Variants in C19orf38 observed in about 807,000 individuals in gnomAD.
The protein encoded by C19orf38 is protein HIDE1.
A neutral mutation model predicts 26.6 loss-of-function variants in C19orf38; 14 were observed. The ratio of observed to expected loss-of-function variants is 0.53; its 90% CI spans 0.35 to 0.82. C19orf38 has a LOEUF of 0.82. C19orf38 is among the 40% of genes least tolerant of loss of function. The pLI, the probability that C19orf38 is intolerant of heterozygous loss-of-function variation, is 0.01. For synonymous variants in C19orf38, 132 were observed against 128.5 expected, an observed-to-expected ratio of 1.03 and a Z score of -0.18; for missense variants, 261 against 299.5, an observed-to-expected ratio of 0.87 and a Z score of 0.95.
rs950859747 is a variant in C19orf38, at chr19:10,863,199, G to C, written c.535G>C (p.Val179Leu). 16 of 1,551,204 alleles carry C rather than the reference G, an allele frequency of 1.0e-5. No individual in the cohort carries two copies. The highest frequency in any genetic ancestry group is 1.3e-5 in the Non-Finnish European group (15 of 1,146,774). Reference protein sequence around the residue: ...DMSFDNSLFTVSAKTMPEEDP... With the variant: ...DMSFDNSLFTLSAKTMPEEDP... ...GTCCTTCGATAACTCCCTGTTTACC[G>C]TCTCCGCGGTGAGTGGTTCTTTTTC... is the stretch of plus-strand genomic sequence containing the variant. The change falls in exon 6 of 7, where the codon GTC becomes CTC. Residue 179 changes from valine (V) to leucine (L), a missense_variant. Val to Leu is a conservative substitution (Grantham distance 32). Coordinates refer to ENST00000397820, the MANE Select transcript of C19orf38 (RefSeq NM_001136482.3).
At position 10,856,350 on chromosome 19, in the gene C19orf38, C is replaced by A; in HGVS notation, c.426C>A (p.Val142=). The change falls in exon 3 of 7, where the codon GTC becomes GTA. Residue 142 remains valine, a synonymous_variant. Coordinates refer to ENST00000397820, the MANE Select transcript of C19orf38 (RefSeq NM_001136482.3). The stretch of plus-strand genomic sequence containing the variant: ...GGCTGGTGGCTGTTGCCCTGGTGGT[C>A]AGAAAAGGTAACAGCACGCAAAGCC... ...LAGLVAVALV[V]RKVKLRNLQK... The A allele has an allele frequency of 1.3e-6, 2 of 1,550,970 alleles. No homozygotes were observed. The highest frequency in any genetic ancestry group is 2.4e-5 in the South Asian group (2 of 84,006).
chr19:10,848,212 AG>A (rs752283025), upstream of C19orf38, among the ~76,000 whole-genome samples: 3 of 152,004 alleles, frequency 2.0e-5, no homozygotes, highest in Non-Finnish European at 2.9e-5. Context: ...ATAAAAAAAG[AG>A]GAAAAAATTG....
Position 10,850,309 on chromosome 19 carries a change from A to G in C19orf38, c.82A>G (p.Ser28Gly), listed in dbSNP as rs1391199155. Residue 28 changes from serine (S) to glycine (G), a missense_variant, in exon 2 of 7, where the codon AGC (serine) becomes GGC (glycine). Transcript: ENST00000397820. ...CATCCGGCTGGTGCCCCCGTACCCA[A>G]GCAGCCAAGAGGACCCCATCCACAT... is the stretch of plus-strand genomic sequence containing the variant. The part of the protein sequence containing the change: ...PSIRLVPPYP[S>G]SQEDPIHIAC... 4 of 1,551,114 alleles carry G rather than the reference A, an allele frequency of 2.6e-6. No individual in the cohort carries two copies. Among genetic ancestry groups the G allele is most frequent in the Non-Finnish European group, 3.5e-6 (4 of 1,146,914 alleles).
At chr19:10,843,076 G>T (rs111269794) in intron 1 of C19orf38, among the ~76,000 whole-genome samples, 2 of 152,324 alleles carry the variant, frequency 1.3e-5, no homozygotes, top group African/African-American at 4.8e-5. Flanking sequence ...GGCTGGATCC[G>T]GGGCTTTTTA....
intron 6 of C19orf38, among the ~76,000 whole-genome samples, chr19:10,864,564 C>T (rs553332654): frequency 3.2e-4 from 49 of 152,072 alleles, no homozygotes; most frequent in African/African-American, 1.1e-3. Context: ...GGGAGGGGAC[C>T]GGATTCAGGT....
intron 4 of C19orf38, among the ~76,000 whole-genome samples, chr19:10,859,344 GTGTGTATA>G (rs2073668089): frequency 2.1e-5 from 1 of 48,506 alleles, no homozygotes; most frequent in Admixed American, 2.4e-4. Context: ...GTGTGTGTGT[GTGTGTATA>G]TATATATATA....
intron 2 of C19orf38, among the ~76,000 whole-genome samples, chr19:10,855,761 C>A (rs954628452): frequency 6.6e-6 from 1 of 152,146 alleles, no homozygotes; most frequent in African/African-American, 2.4e-5. Context: ...ATCTACTGAC[C>A]TAGTGATCCA....
At chr19:10,863,053 C>A (rs559237715) in intron 5 of C19orf38, 117 bp from the exon 6 acceptor site, 4 of 1,050,402 alleles carry the variant, frequency 3.8e-6, no homozygotes, top group Admixed American at 2.1e-5. Flanking sequence ...ATAGAGGATG[C>A]TGGGAGATGG....
At chr19:10,863,332 A>G in intron 6 of C19orf38, 125 bp downstream of exon 6, 1 of 1,117,390 alleles carries the variant, frequency 8.9e-7, no homozygotes, top group Non-Finnish European at 1.3e-6. Context: ...GGGGCTAGGA[A>G]AAGCCCAGAA....
intron 3 of C19orf38, among the ~76,000 whole-genome samples, chr19:10,857,321 TACAC>T (rs1215156181): frequency 1.7e-5 from 2 of 117,844 alleles, no homozygotes; most frequent in East Asian, 2.6e-4. Flanking sequence ...TATATATACA[TACAC>T]ACACACACAC....
chr19:10,838,795 A>G (rs1334721818), intron 1 of C19orf38, among the ~76,000 whole-genome samples: 2 of 152,010 alleles, frequency 1.3e-5, no homozygotes, highest in Non-Finnish European at 2.9e-5. Flanking sequence ...GGGATGAAAA[A>G]CTGGTTAGAA....
At chr19:10,869,092 G>A in intron 6 of C19orf38, 126 bp from the exon 7 acceptor site, 1 of 1,231,622 alleles carries the variant, frequency 8.1e-7, no homozygotes, top group Non-Finnish European at 1.1e-6. Flanking sequence ...ACAGGTGGGT[G>A]TGGGTGGGGG....
intron 6 of C19orf38, among the ~76,000 whole-genome samples, chr19:10,867,641 CTTTTTTTTTTTTT>C (rs953156656): frequency 6.8e-5 from 4 of 58,840 alleles, no homozygotes; most frequent in African/African-American, 1.3e-4. Flanking sequence ...GAAGAACATT[CTTTTTTTTTTTTT>C]TTTTTTTTTT....
At chr19:10,859,376 ATATATATATTTTTTT>A (rs1568337666) in intron 4 of C19orf38, among the ~76,000 whole-genome samples, 8 of 42,280 alleles carry the variant, frequency 1.9e-4, no homozygotes, top group African/African-American at 7.6e-4. Flanking sequence ...ATATATATAT[ATATATATATTTTTTT>A]TTTTTTTTTT....
At chr19:10,840,260 A>G (rs1224324485) in intron 1 of C19orf38, among the ~76,000 whole-genome samples, 2 of 152,090 alleles carry the variant, frequency 1.3e-5, no homozygotes, top group Non-Finnish European at 2.9e-5. Flanking sequence ...ATTCCCACCA[A>G]CCACGTATGA....
rs138102759 is a variant in C19orf38, at chr19:10,853,431, C to T, written c.341-2834C>T. On this transcript the variant is annotated intron_variant, in intron 2 of 6. Transcript: ENST00000397820. ...CCTCCCGAGTAGCTGGGATTACAGGCGTGCACCACCATGCCCAGCTACTTT... is the reference window on the plus strand; with the variant it reads ...CCTCCCGAGTAGCTGGGATTACAGGTGTGCACCACCATGCCCAGCTACTTT... Among the ~76,000 whole-genome samples, 800 of 151,908 alleles carry T rather than the reference C, an allele frequency of 5.3e-3. 5 individuals are homozygous for T. The highest frequency in any genetic ancestry group is 0.019 in the African/African-American group (767 of 41,406).
At chr19:10,858,831 C>T (rs756323293) in intron 4 of C19orf38, among the ~76,000 whole-genome samples, 3 of 152,082 alleles carry the variant, frequency 2.0e-5, no homozygotes, top group Non-Finnish European at 2.9e-5. Context: ...TTCTCTCCTC[C>T]GAGAGTGGGG....
intron 6 of C19orf38, among the ~76,000 whole-genome samples, chr19:10,863,653 G>A (rs930602410): frequency 2.6e-5 from 4 of 151,732 alleles, no homozygotes; most frequent in Non-Finnish European, 5.9e-5. Context: ...TGGGTGCGGT[G>A]ACTCACGTCT....
At chr19:10,867,078 C>T (rs992000162) in intron 6 of C19orf38, among the ~76,000 whole-genome samples, 3 of 151,894 alleles carry the variant, frequency 2.0e-5, no homozygotes, top group African/African-American at 2.4e-5. Context: ...GCATGAGCCA[C>T]CGTGCCCGGC....
Sources: allele counts gnomAD v4.1 joint callset (sites outside exome capture counted in the v4.1 genomes callset), GRCh38; gene constraint gnomAD v4.1.1; transcripts MANE v1.5; gene names NCBI Gene and HGNC (gene_info 2026-07-23, HGNC 2026-07-21).